FAM135B: variants seen among roughly 807,000 people sequenced by gnomAD.
The protein encoded by FAM135B is family with sequence similarity 135 member B, also known as protein FAM135B.
A neutral mutation model predicts 127.7 loss-of-function variants in FAM135B; 43 were observed. That is an observed-to-expected ratio of 0.34 (90% confidence interval 0.26 to 0.43). The LOEUF is 0.43. FAM135B is among the 20% of genes least tolerant of loss of function. The probability of loss-of-function intolerance (pLI) is 1.00; values close to 1 mark genes in which losing one functional copy is unlikely to be tolerated. For missense variants in FAM135B, 1,558 were observed against 1,725.6 expected, an observed-to-expected ratio of 0.90 and a Z score of 1.72; for synonymous variants, 670 against 665.1, an observed-to-expected ratio of 1.01 and a Z score of -0.11.
At chr8:138,250,730 A>T in intron 6 of FAM135B, 111 bp downstream of exon 6, 2 of 1,216,422 alleles carry the variant, frequency 1.6e-6, no homozygotes, top group Non-Finnish European at 2.3e-6. Flanking sequence ...CTGCAGCCTT[A>T]GAGAAACTCC....
At chr8:138,188,708 T>C (rs780454193) in intron 9 of FAM135B, among the ~76,000 whole-genome samples, 82 of 152,300 alleles carry the variant, frequency 5.4e-4, no homozygotes, top group Non-Finnish European at 9.8e-4. Flanking sequence ...CCCTGCCCAC[T>C]GTTCCACAAG....
At chr8:138,285,398 C>T (rs745642732) in intron 3 of FAM135B, among the ~76,000 whole-genome samples, 2 of 152,042 alleles carry the variant, frequency 1.3e-5, no homozygotes, top group Non-Finnish European at 2.9e-5. Flanking sequence ...ACGCCCACCT[C>T]GGCCTCCCAA....
Position 138,496,765 on chromosome 8 carries a change from T to TGCGGCG in FAM135B, c.-120_-115dup, listed in dbSNP as rs901677471. 4.2e-4 allele frequency: 64 copies of TGCGGCG among 154,002 alleles called. No individual in the cohort carries two copies. Among genetic ancestry groups the TGCGGCG allele is most frequent in the Non-Finnish European group, 4.6e-4 (32 of 69,536 alleles). The allele number at this position is 154,002 out of a possible 1,614,324, so 9.5% of individuals were successfully genotyped here. On this transcript the variant is annotated 5_prime_UTR_variant, in exon 1 of 20. Transcript: ENST00000395297. ...TTCGCCGTCTCTGGCCGCCAACAGTTGCGGCGGCGGCGGCGGCGGGCGGAC... is the reference window on the plus strand; with the variant it reads ...TTCGCCGTCTCTGGCCGCCAACAGTTGCGGCGGCGGCGGCGGCGGCGGCGGGCGGAC...
chr8:138,188,660 A>C (rs1815806015), intron 9 of FAM135B, among the ~76,000 whole-genome samples: 1 of 152,118 alleles, frequency 6.6e-6, no homozygotes, highest in African/African-American at 2.4e-5. Context: ...GGATCTCTCC[A>C]CAGAGCCTCA....
At chr8:138,140,547 C>T (rs995355700) in intron 17 of FAM135B, among the ~76,000 whole-genome samples, 2 of 152,138 alleles carry the variant, frequency 1.3e-5, no homozygotes, top group Non-Finnish European at 2.9e-5. Context: ...TGGAGTCAGT[C>T]GAGGTCCTTC....
At chr8:138,314,482 T>C (rs1338005701) in intron 2 of FAM135B, among the ~76,000 whole-genome samples, 2 of 151,954 alleles carry the variant, frequency 1.3e-5, no homozygotes. Flanking sequence ...AAGAAAAATT[T>C]CACCAAAGGG....
chr8:138,222,566 G>A (rs1319731612), intron 7 of FAM135B, among the ~76,000 whole-genome samples: 1 of 151,966 alleles, frequency 6.6e-6, no homozygotes, highest in Non-Finnish European at 1.5e-5. Context: ...TTACTGACCA[G>A]GCTGAAGAGG....
intron 12 of FAM135B, among the ~76,000 whole-genome samples, chr8:138,159,130 G>A (rs1304548130): frequency 1.5e-4 from 22 of 147,834 alleles, no homozygotes; most frequent in African/African-American, 4.5e-4. Context: ...AAATTAGCCG[G>A]GCGCGGTGGC....
intron 3 of FAM135B, among the ~76,000 whole-genome samples, chr8:138,272,217 C>A (rs187391904): frequency 2.6e-5 from 4 of 152,098 alleles, no homozygotes; most frequent in African/African-American, 9.7e-5. Flanking sequence ...TAAAAAAAAT[C>A]TGAGAATGAC....
intron 3 of FAM135B, among the ~76,000 whole-genome samples, chr8:138,305,208 C>T (rs1826154767): frequency 6.6e-6 from 1 of 152,224 alleles, no homozygotes. Flanking sequence ...CAAAACATTA[C>T]AAAAACTAAT....
intron 1 of FAM135B, among the ~76,000 whole-genome samples, chr8:138,463,177 G>A (rs143166020): frequency 1.3e-3 from 199 of 152,308 alleles, no homozygotes; most frequent in African/African-American, 4.5e-3. Flanking sequence ...ATCGGGTTCT[G>A]TTGCTAAGCA....
At chr8:138,323,957 T>C (rs986601851) in intron 2 of FAM135B, among the ~76,000 whole-genome samples, 1 of 152,226 alleles carries the variant, frequency 6.6e-6, no homozygotes, top group East Asian at 1.9e-4. Flanking sequence ...TGGCTGAACC[T>C]AACTCCTTGG....
At chr8:138,287,870 C>T (rs547096828) in intron 3 of FAM135B, among the ~76,000 whole-genome samples, 4 of 152,298 alleles carry the variant, frequency 2.6e-5, no homozygotes, top group Admixed American at 1.3e-4. Flanking sequence ...TAGTCACTGA[C>T]GCACAGTAAG....
intron 2 of FAM135B, among the ~76,000 whole-genome samples, chr8:138,339,524 T>C (rs944248117): frequency 1.3e-5 from 2 of 152,054 alleles, no homozygotes; most frequent in African/African-American, 4.8e-5. Context: ...ACACCTGCCA[T>C]TTCTACCATG....
intron 3 of FAM135B, among the ~76,000 whole-genome samples, chr8:138,303,353 C>A (rs953160367): frequency 1.3e-5 from 2 of 152,138 alleles, no homozygotes; most frequent in Non-Finnish European, 2.9e-5. Flanking sequence ...CCAAACACTG[C>A]ATGCTCTCAC....
chr8:138,381,139 A>G (rs946137202), intron 1 of FAM135B, among the ~76,000 whole-genome samples: 4 of 152,182 alleles, frequency 2.6e-5, no homozygotes, highest in African/African-American at 9.7e-5. Flanking sequence ...GCACTGATGC[A>G]TATTTAATCT....
chr8:138,133,699 T>C (rs565120740), intron 19 of FAM135B, among the ~76,000 whole-genome samples: 1 of 152,112 alleles, frequency 6.6e-6, no homozygotes, highest in Non-Finnish European at 1.5e-5. Context: ...TATTCTGAGT[T>C]TAACAGTCCA....
At chr8:138,305,157 C>T (rs781523927) in intron 3 of FAM135B, among the ~76,000 whole-genome samples, 3 of 152,206 alleles carry the variant, frequency 2.0e-5, no homozygotes, top group Non-Finnish European at 4.4e-5. Context: ...CATGGTAAAA[C>T]TCTTAAATGC....
chr8:138,324,586 T>C (rs1385598969), intron 2 of FAM135B, among the ~76,000 whole-genome samples: 1 of 152,230 alleles, frequency 6.6e-6, no homozygotes, highest in Non-Finnish European at 1.5e-5. Context: ...ATTACTTTGA[T>C]ACCTGACAGT....
Sources: gnomAD v4.1 joint callset for allele counts (sites outside exome capture counted in the v4.1 genomes callset) on GRCh38, gnomAD v4.1.1 for gene constraint, MANE v1.5 for transcripts, NCBI Gene and HGNC (gene_info 2026-07-23, HGNC 2026-07-21) for gene names.